PLCB3: variants seen among roughly 807,000 people sequenced by gnomAD.
The protein encoded by PLCB3 is 1-phosphatidylinositol 4,5-bisphosphate phosphodiesterase beta-3.
A neutral mutation model predicts 152.1 loss-of-function variants in PLCB3; 54 were observed. The observed-to-expected ratio is 0.36, with a 90% CI of 0.29 to 0.45. The LOEUF is 0.45. PLCB3 is among the 20% of genes least tolerant of loss of function. PLCB3 has a pLI of 1.00. For missense variants in PLCB3, 1,248 were observed against 1,687.5 expected (o/e 0.74, Z 4.56); for synonymous variants, 717 against 698.7 (o/e 1.03, Z -0.41).
intron 14 of PLCB3, among the ~76,000 whole-genome samples, chr11:64,260,914 A>C (rs2031815478): frequency 6.6e-6 from 1 of 152,162 alleles, no homozygotes; most frequent in Non-Finnish European, 1.5e-5. Context: ...GGAGTTATAG[A>C]AGAGAATGTC....
At chr11:64,260,365 G>A (rs1442620986) in intron 14 of PLCB3, 131 bp downstream of exon 14, 1 of 668,944 alleles carries the variant, frequency 1.5e-6, no homozygotes, top group Non-Finnish European at 2.6e-6. Flanking sequence ...GTGAAGGTGG[G>A]AGGAGGGCTC....
intron 10 of PLCB3, among the ~76,000 whole-genome samples, chr11:64,257,390 A>G (rs567702769): frequency 6.6e-6 from 1 of 152,124 alleles, no homozygotes; most frequent in East Asian, 1.9e-4. Flanking sequence ...TGAAGCAGGC[A>G]GATTACTTGA....
rs980340371 is a variant in PLCB3, at chr11:64,258,798, A to G, written c.1253+85A>G. 1.0e-5 allele frequency: 16 copies of G among 1,602,904 alleles called. No individual in the cohort carries two copies. In the East Asian group the frequency reaches 2.5e-4, roughly 25 times the overall value. ...CTGTTGGACTGCTCAGGGACCTCCA[A>G]CCCTGCGAACGGCCACTGACATGTC... On this transcript the variant is annotated intron_variant, in intron 11 of 30. Transcript: ENST00000279230. This position sits in a 1 kb window ranked among gnomAD's most constrained non-coding sequence, Gnocchi z 7.2.
rs536825283 is a variant in PLCB3, at chr11:64,256,802, C to T, written c.1012+38C>T. 2.5e-6 allele frequency: 4 copies of T among 1,603,092 alleles called. No individual in the cohort carries two copies. In the African/African-American group the frequency reaches 4.0e-5, roughly 16 times the overall value. On this transcript the variant is annotated intron_variant, in intron 10 of 30. Transcript: ENST00000279230. ...CAAGGGTGGCACCCGTGACCTCTGCCCTGTGACCCTTGCACAGCCCCACTC... is the reference window on the plus strand; with the variant it reads ...CAAGGGTGGCACCCGTGACCTCTGCTCTGTGACCCTTGCACAGCCCCACTC...
In PLCB3 at chr11:64,255,457, C is replaced by T. The variant is rs371067606; in HGVS notation, c.521+8C>T. ...TCGGATCCCCGTCAAGAAGTGAGCA[C>T]CCCTTCCCCCAGCACCTTCCTCCTG... On this transcript the variant is annotated splice_region_variant and intron_variant, in intron 6 of 30. Coordinates refer to ENST00000279230, the MANE Select transcript of PLCB3 (RefSeq NM_000932.5). The surrounding 1 kb of genome is among the most constrained non-coding windows in gnomAD (Gnocchi z 6.8). The T allele has an allele frequency of 6.2e-7, 1 of 1,614,148 alleles. No individual in the cohort carries two copies. Among genetic ancestry groups the T allele is most frequent in the African/African-American group, 1.3e-5 (1 of 75,068 alleles).
intron 1 of PLCB3, among the ~76,000 whole-genome samples, chr11:64,252,545 T>C (rs1175486905): frequency 6.6e-6 from 1 of 152,192 alleles, no homozygotes; most frequent in Non-Finnish European, 1.5e-5. Context: ...CTGAGCTTCC[T>C]CGCAGCTCCT....
chr11:64,263,458 C>T, intron 19 of PLCB3, 40 bp from the exon 20 acceptor site: 1 of 1,361,384 alleles, frequency 7.3e-7, no homozygotes, highest in Non-Finnish European at 1.0e-6. Context: ...CACAGTGGCC[C>T]AGGGTCAGCC....
chr11:64,255,938 G>A lies in PLCB3; in HGVS notation c.698+117G>A. The A allele has an allele frequency of 1.3e-6, 1 of 779,362 alleles. No individual in the cohort carries two copies. Among genetic ancestry groups the A allele is most frequent in the Non-Finnish European group, 2.2e-6 (1 of 454,930 alleles). The allele number at this position is 779,362 out of a possible 1,614,324, so 48.3% of individuals were successfully genotyped here. ...GTGGGCCGGGTCCTGGAGCGCCAGGGGGCGGAGGGGTGCCCAGGGAGAACC... is the reference window on the plus strand; with the variant it reads ...GTGGGCCGGGTCCTGGAGCGCCAGGAGGCGGAGGGGTGCCCAGGGAGAACC... On this transcript the variant is annotated intron_variant, in intron 8 of 30. Coordinates refer to ENST00000279230, the MANE Select transcript of PLCB3 (RefSeq NM_000932.5). This position sits in a 1 kb window ranked among gnomAD's most constrained non-coding sequence, Gnocchi z 6.8.
chr11:64,253,149 G>A (rs943518908), intron 1 of PLCB3, among the ~76,000 whole-genome samples: 3 of 152,214 alleles, frequency 2.0e-5, no homozygotes, highest in Admixed American at 6.5e-5. Context: ...GGAAACTGAG[G>A]TCTGGAAAGC....
intron 14 of PLCB3, among the ~76,000 whole-genome samples, chr11:64,260,977 C>G (rs2031818504): frequency 6.6e-6 from 1 of 152,000 alleles, no homozygotes; most frequent in Non-Finnish European, 1.5e-5. Context: ...ATAATTTACT[C>G]CCAAATGATT....
In PLCB3 at chr11:64,255,211, C is replaced by G; in HGVS notation, c.388-23C>G. On this transcript the variant is annotated intron_variant, in intron 4 of 30. Transcript: ENST00000279230. The surrounding 1 kb of genome is among the most constrained non-coding windows in gnomAD (Gnocchi z 6.8). ...CCCCTGTGTCCCCCACTCACCGCCT[C>G]CCCGTGTATACTGGCCCCCCAGGTC... The G allele has an allele frequency of 6.3e-7, 1 of 1,599,770 alleles. No individual in the cohort carries two copies. Among genetic ancestry groups the G allele is most frequent in the Non-Finnish European group, 8.6e-7 (1 of 1,167,876 alleles).
At position 64,266,918 on chromosome 11, in the gene PLCB3, C is replaced by T. The variant is rs1048854987; in HGVS notation, c.3415-267C>T. 1.3e-5 allele frequency among the ~76,000 whole-genome samples: 2 copies of T among 152,146 alleles called. No homozygotes were observed. Among genetic ancestry groups the T allele is most frequent in the Admixed American group, 6.5e-5 (1 of 15,280 alleles). ...AAGCAATTCTCTTGCCTCAGCCTCC[C>T]GAGTAGCTGGGATTACAGGCATCCG... On this transcript the variant is annotated intron_variant, in intron 29 of 30. Coordinates refer to ENST00000279230, the MANE Select transcript of PLCB3 (RefSeq NM_000932.5). The surrounding 1 kb of genome is among the most constrained non-coding windows in gnomAD (Gnocchi z 4.9).
At position 64,256,559 on chromosome 11, in the gene PLCB3, G is replaced by A. The variant is rs1252612658; in HGVS notation, c.865+17G>A. 1.9e-6 allele frequency: 3 copies of A among 1,613,104 alleles called. No homozygotes were observed. Among genetic ancestry groups the A allele is most frequent in the Non-Finnish European group, 2.5e-6 (3 of 1,179,400 alleles). ...TGGAGCGAGGTGAGCTGGCTGGGGTGCAGGTGGGTGGGGGCAGGTGGGACC... is the reference window on the plus strand; with the variant it reads ...TGGAGCGAGGTGAGCTGGCTGGGGTACAGGTGGGTGGGGGCAGGTGGGACC... On this transcript the variant is annotated intron_variant, in intron 9 of 30. Transcript: ENST00000279230.
rs376363380 is a variant in PLCB3 at position 64,263,670 on chromosome 11, G to A, written c.2456-21G>A. Reference sequence around the variant, plus strand: ...CCCCCACCTGGCCCAGCAACCCAACGTTGCCTTCCTGACCACCCAGGATAC... The same window carrying A: ...CCCCCACCTGGCCCAGCAACCCAACATTGCCTTCCTGACCACCCAGGATAC... On this transcript the variant is annotated intron_variant, in intron 20 of 30. Transcript: ENST00000279230. 52 of 1,611,258 alleles carry A rather than the reference G, an allele frequency of 3.2e-5. No individual in the cohort carries two copies. The African/African-American group carries it at 3.7e-4, about 12-fold the overall frequency.
intron 10 of PLCB3, among the ~76,000 whole-genome samples, chr11:64,257,720 G>A (rs1464010671): frequency 1.3e-5 from 2 of 152,144 alleles, no homozygotes; most frequent in Non-Finnish European, 1.5e-5. Flanking sequence ...GGGAGAGCAA[G>A]GCAGGGCTAA....
rs372850049 is a variant in PLCB3, at chr11:64,256,810, C to T, written c.1012+46C>T. ...GCACCCGTGACCTCTGCCCTGTGAC[C>T]CTTGCACAGCCCCACTCCTCCTGGG... is the stretch of plus-strand genomic sequence containing the variant. On this transcript the variant is annotated intron_variant, in intron 10 of 30. Transcript: ENST00000279230. The T allele has an allele frequency of 1.9e-6, 3 of 1,587,098 alleles. No individual in the cohort carries two copies. The African/African-American group carries it at 4.0e-5, about 21-fold the overall frequency.
rs2031854120 is a variant in PLCB3, at chr11:64,261,598, G to A, written c.1846G>A (p.Glu616Lys). 4 of 1,614,120 alleles carry A rather than the reference G, an allele frequency of 2.5e-6. No homozygotes were observed. Among genetic ancestry groups the A allele is most frequent in the South Asian group, 1.1e-5 (1 of 91,084 alleles). Reference sequence around the variant, plus strand: ...CCCCTAAGAGAGGAACAAATGCTTCGAGATGTCGTCCTTTGTGGAGACCAA... The same window carrying A: ...CCCCTAAGAGAGGAACAAATGCTTCAAGATGTCGTCCTTTGTGGAGACCAA... ...EAARKRNKCFEMSSFVETKAM... is the reference protein window; with the variant it reads ...EAARKRNKCFKMSSFVETKAM... The change falls in exon 16 of 31, where the codon GAG becomes AAG. Residue 616 changes from glutamate to lysine, a missense_variant. Glu to Lys is a moderately conservative substitution (Grantham distance 56). Transcript: ENST00000279230.
In PLCB3 at chr11:64,266,416, G is replaced by A. The variant is rs372897485; in HGVS notation, c.3356+12G>A. 39 of 1,600,590 alleles carry A rather than the reference G, an allele frequency of 2.4e-5. No individual in the cohort carries two copies. Among genetic ancestry groups the A allele is most frequent in the East Asian group, 8.9e-5 (4 of 44,828 alleles). ...CATAAGAAGGAGGCGTAAGGGCACC[G>A]GGACCGGGGGCCATCTGGGTACTGG... On this transcript the variant is annotated intron_variant, in intron 28 of 30. Transcript: ENST00000279230. The surrounding 1 kb of genome is among the most constrained non-coding windows in gnomAD (Gnocchi z 4.9).
At chr11:64,254,169 A>T (rs1202935390) in intron 1 of PLCB3, among the ~76,000 whole-genome samples, 1 of 152,050 alleles carries the variant, frequency 6.6e-6, no homozygotes, top group Non-Finnish European at 1.5e-5. Flanking sequence ...GTCAGGTAGA[A>T]TCCTAGGGCC....
Sources: allele counts gnomAD v4.1 joint callset (sites outside exome capture counted in the v4.1 genomes callset), GRCh38; gene constraint gnomAD v4.1.1; non-coding constraint Gnocchi (gnomAD v3.1); transcripts MANE v1.5; gene names NCBI Gene and HGNC (gene_info 2026-07-23, HGNC 2026-07-21).